Variants in AUTS2 observed in about 807,000 individuals in gnomAD.
AUTS2 encodes the protein autism susceptibility gene 2 protein.
A neutral mutation model predicts 112.4 loss-of-function variants in AUTS2; 17 were observed. That is an observed-to-expected ratio of 0.15 (90% CI 0.10 to 0.23). AUTS2 has a LOEUF of 0.23. AUTS2 is among the 10% of genes least tolerant of loss of function. The pLI, the probability that AUTS2 is intolerant of heterozygous loss-of-function variation, is 1.00. For synonymous variants in AUTS2, 751 were observed against 702.7 expected, an observed-to-expected ratio of 1.07 and a Z score of -1.09; for missense variants, 1,510 against 1,701.6, an observed-to-expected ratio of 0.89 and a Z score of 1.98.
At chr7:70,685,841 C>T (rs572609921) in intron 5 of AUTS2, among the ~76,000 whole-genome samples, 1 of 152,318 alleles carries the variant, frequency 6.6e-6, no homozygotes, top group Non-Finnish European at 1.5e-5. Flanking sequence ...CTAACATTGC[C>T]ACTTAGTGCA....
rs373034229 is a variant in AUTS2, at chr7:70,240,823, A to G, written c.660+106252A>G. Among the ~76,000 whole-genome samples the G allele has an allele frequency of 1.5e-4, 23 of 152,356 alleles. No homozygotes were observed. The East Asian group carries it at 4.4e-3, about 29-fold the overall frequency. On this transcript the variant is annotated intron_variant, in intron 4 of 18. Coordinates refer to ENST00000342771, the MANE Select transcript of AUTS2 (RefSeq NM_015570.4). The stretch of plus-strand genomic sequence containing the variant: ...AAAGTGTTTATAGTAAAAAAGTTTC[A>G]ATGAAATGATTTCCAATTTATATTT...
chr7:70,767,582 A>G (rs1421097304), intron 9 of AUTS2, among the ~76,000 whole-genome samples: 1 of 152,208 alleles, frequency 6.6e-6, no homozygotes, highest in Non-Finnish European at 1.5e-5. Context: ...ACCCCAGATC[A>G]CTTTGTATTT....
intron 6 of AUTS2, among the ~76,000 whole-genome samples, chr7:70,701,051 G>C (rs970320816): frequency 1.3e-5 from 2 of 152,234 alleles, no homozygotes; most frequent in African/African-American, 4.8e-5. Flanking sequence ...GAGCTGACAC[G>C]TGTATCCCTC....
chr7:69,974,770 A>G (rs1032928599), intron 2 of AUTS2, among the ~76,000 whole-genome samples: 2 of 152,254 alleles, frequency 1.3e-5, no homozygotes, highest in African/African-American at 4.8e-5. Context: ...ACTCACAGAC[A>G]TACCAAAAAA....
At chr7:70,420,943 CAAA>C (rs1209478941) in intron 4 of AUTS2, among the ~76,000 whole-genome samples, 1 of 151,968 alleles carries the variant, frequency 6.6e-6, no homozygotes, top group African/African-American at 2.4e-5. Context: ...AATAAAGCCA[CAAA>C]AAAATAGTGA....
chr7:69,911,700 C>T (rs139613200), intron 2 of AUTS2, among the ~76,000 whole-genome samples: 206 of 152,184 alleles, frequency 1.4e-3, no homozygotes, highest in African/African-American at 4.9e-3. Context: ...GCTGGTAGTC[C>T]GATGTCTGTT....
chr7:70,175,599 C>T (rs781649073), intron 4 of AUTS2, among the ~76,000 whole-genome samples: 1 of 152,108 alleles, frequency 6.6e-6, no homozygotes, highest in Non-Finnish European at 1.5e-5. Context: ...GCCACAGCCA[C>T]CCAACCTTCA....
chr7:69,755,363 C>T (rs2129276785), intron 1 of AUTS2, among the ~76,000 whole-genome samples: 2 of 152,310 alleles, frequency 1.3e-5, no homozygotes, highest in Non-Finnish European at 2.9e-5. Flanking sequence ...TTAATTAAAA[C>T]AACAATCATC....
At chr7:70,632,723 C>T (rs537068225) in intron 5 of AUTS2, among the ~76,000 whole-genome samples, 154 of 152,222 alleles carry the variant, frequency 1.0e-3, no homozygotes, top group African/African-American at 3.6e-3. Flanking sequence ...CTCCTGCCCT[C>T]TCCCTGAGCA....
intron 1 of AUTS2, among the ~76,000 whole-genome samples, chr7:69,817,252 C>T (rs192947789): frequency 6.6e-6 from 1 of 152,290 alleles, no homozygotes; most frequent in African/African-American, 2.4e-5. Context: ...GCTGGGGAAG[C>T]TTGAAGGATG....
intron 2 of AUTS2, among the ~76,000 whole-genome samples, chr7:69,949,833 CTTTG>C (rs1584482731): frequency 6.6e-6 from 1 of 152,208 alleles, no homozygotes; most frequent in Non-Finnish European, 1.5e-5. Context: ...CAGTTACTGC[CTTTG>C]TTTGTATTGC....
At chr7:69,908,744 A>G (rs749070014) in intron 2 of AUTS2, among the ~76,000 whole-genome samples, 4 of 152,242 alleles carry the variant, frequency 2.6e-5, no homozygotes, top group Non-Finnish European at 4.4e-5. Flanking sequence ...GAAATCATGT[A>G]TTACAAACCT....
chr7:70,615,905 G>A (rs532098707), intron 5 of AUTS2, among the ~76,000 whole-genome samples: 10 of 152,054 alleles, frequency 6.6e-5, no homozygotes, highest in East Asian at 5.8e-4. Context: ...CCACCTTGCC[G>A]AGCTCATTTT....
chr7:70,189,447 T>C (rs1054557224), intron 4 of AUTS2, among the ~76,000 whole-genome samples: 31 of 152,234 alleles, frequency 2.0e-4, no homozygotes, highest in African/African-American at 7.2e-4. Flanking sequence ...TGACAACTTG[T>C]TACTGAGGAA....
chr7:70,789,721 G>C (rs183435781), intron 18 of AUTS2, 27 bp from the exon 19 acceptor site: 30 of 1,597,206 alleles, frequency 1.9e-5, no homozygotes, highest in African/African-American at 2.7e-5. Flanking sequence ...TTTCATCTGC[G>C]TCCTTGTCTT....
At chr7:70,420,998 T>C (rs1384776119) in intron 4 of AUTS2, among the ~76,000 whole-genome samples, 1 of 152,236 alleles carries the variant, frequency 6.6e-6, no homozygotes, top group Non-Finnish European at 1.5e-5. Flanking sequence ...CACTCTGTGC[T>C]AGAAAAATTT....
At chr7:70,600,109 T>C (rs1181343502) in intron 5 of AUTS2, among the ~76,000 whole-genome samples, 1 of 152,258 alleles carries the variant, frequency 6.6e-6, no homozygotes, top group Non-Finnish European at 1.5e-5. Context: ...AAGTGAGTGC[T>C]GCATGCCCAA....
At chr7:70,117,117 GTTTTTTTTTGTTTTTTTTTGTTTT>G (rs1805410855) in intron 2 of AUTS2, among the ~76,000 whole-genome samples, 1 of 73,090 alleles carries the variant, frequency 1.4e-5, no homozygotes, top group Admixed American at 1.2e-4. Context: ...TTTTTTTTTT[GTTTTTTTTTGTTTTTTTTTGTTTT>G]TTTTTTTGGT....
intron 1 of AUTS2, among the ~76,000 whole-genome samples, chr7:69,668,932 G>A (rs1350395958): frequency 6.6e-6 from 1 of 152,000 alleles, no homozygotes; most frequent in Admixed American, 6.6e-5. Flanking sequence ...GTTGGTAGTA[G>A]CAATTAACAT....
Sources: gnomAD v4.1 joint callset for allele counts (sites outside exome capture counted in the v4.1 genomes callset) on GRCh38, gnomAD v4.1.1 for gene constraint, MANE v1.5 for transcripts, NCBI Gene and HGNC (gene_info 2026-07-23, HGNC 2026-07-21) for gene names.